The following SLC24A2 variants were observed in gnomAD, a reference collection of about 807,000 sequenced individuals.
SLC24A2 encodes solute carrier family 24 member 2, also known as sodium/potassium/calcium exchanger 2.
Under a neutral mutation model 62.0 loss-of-function variants are expected in SLC24A2, and 36 were observed. The ratio of observed to expected loss-of-function variants is 0.58; its 90% CI spans 0.44 to 0.77. SLC24A2 has a LOEUF of 0.77. Ranked by LOEUF, SLC24A2 falls within the 30% of genes least tolerant of loss-of-function variation. The pLI is 0.00. For missense variants in SLC24A2, 846 were observed against 817.9 expected, an observed-to-expected ratio of 1.03 and a Z score of -0.42; for synonymous variants, 358 against 294.0, an observed-to-expected ratio of 1.22 and a Z score of -2.23.
the SLC24A2 span, among the ~76,000 whole-genome samples, chr9:20,114,933 T>C: frequency 6.6e-6 from 1 of 152,130 alleles, no homozygotes; most frequent in Non-Finnish European, 1.5e-5. Context: ...CATACAAATT[T>C]ATTAAAATGC....
chr9:20,027,161 A>G, the SLC24A2 span, among the ~76,000 whole-genome samples: 5 of 152,044 alleles, frequency 3.3e-5, no homozygotes, highest in Non-Finnish European at 7.4e-5. Flanking sequence ...AAAAGGACAA[A>G]GATAGCATGG....
chr9:20,089,637 T>C, the SLC24A2 span, among the ~76,000 whole-genome samples: 1 of 151,856 alleles, frequency 6.6e-6, no homozygotes, highest in African/African-American at 2.4e-5. Flanking sequence ...ACTAGTAGTG[T>C]CCCAGAGTTT....
chr9:19,546,124 A>AT (rs1376258457), intron 8 of SLC24A2, among the ~76,000 whole-genome samples: 1 of 152,158 alleles, frequency 6.6e-6, no homozygotes, highest in Non-Finnish European at 1.5e-5. Context: ...GCTCTCCTGT[A>AT]TGAGGTAGGT....
chr9:19,572,259 CAAAAAAAAAAAA>C (rs34529143), intron 7 of SLC24A2, among the ~76,000 whole-genome samples: 1 of 69,784 alleles, frequency 1.4e-5, no homozygotes. Context: ...GAGTCCGTCT[CAAAAAAAAAAAA>C]AAAAAAAAAA....
the SLC24A2 span, among the ~76,000 whole-genome samples, chr9:20,276,172 T>A: frequency 6.6e-6 from 1 of 152,224 alleles, no homozygotes; most frequent in Non-Finnish European, 1.5e-5. Context: ...AAGTCTCATA[T>A]GAGACAAGCT....
At chr9:20,053,183 A>T in the SLC24A2 span, among the ~76,000 whole-genome samples, 1 of 151,980 alleles carries the variant, frequency 6.6e-6, no homozygotes, top group Non-Finnish European at 1.5e-5. Context: ...CTTGCTTCTA[A>T]GTTTTCCTTC....
In SLC24A2 at chr9:19,519,349, TTGTG is replaced by T. The variant is rs10640008; in HGVS notation, c.1736+1541_1736+1544del. On this transcript the variant is annotated intron_variant, in intron 10 of 10. Coordinates refer to ENST00000341998, the MANE Select transcript of SLC24A2 (RefSeq NM_020344.4). Reference sequence around the variant, plus strand: ...AGTGATTTTTTTTCTTTAAACTTCCTTGTGTGTGTGTGTGTGTGTGTGTGTGTAT... The same window carrying T: ...AGTGATTTTTTTTCTTTAAACTTCCTTGTGTGTGTGTGTGTGTGTGTGTAT... Among the ~76,000 whole-genome samples, 1,021 of 147,678 alleles carry T rather than the reference TTGTG, an allele frequency of 6.9e-3. 13 individuals carry two copies. The highest frequency in any genetic ancestry group is 0.024 in the African/African-American group (963 of 40,268).
the SLC24A2 span, among the ~76,000 whole-genome samples, chr9:20,045,893 A>G: frequency 6.6e-6 from 1 of 152,164 alleles, no homozygotes; most frequent in Non-Finnish European, 1.5e-5. Context: ...AGAGCCAGTG[A>G]GTGATGGGTT....
the SLC24A2 span, among the ~76,000 whole-genome samples, chr9:20,234,658 T>A: frequency 2.0e-5 from 3 of 152,206 alleles, no homozygotes; most frequent in Non-Finnish European, 4.4e-5. Context: ...TTAACTTCTT[T>A]GCCATTGGTT....
At chr9:20,046,015 G>A in the SLC24A2 span, among the ~76,000 whole-genome samples, 1 of 152,158 alleles carries the variant, frequency 6.6e-6, no homozygotes, top group African/African-American at 2.4e-5. Flanking sequence ...TCACCCCCAG[G>A]CTGGCCAGGC....
chr9:19,919,155 G>A, the SLC24A2 span, among the ~76,000 whole-genome samples: 8 of 152,184 alleles, frequency 5.3e-5, no homozygotes, highest in African/African-American at 9.6e-5. Flanking sequence ...AATGACTTCC[G>A]AGGAGAGTTA....
At chr9:20,061,076 T>A in the SLC24A2 span, among the ~76,000 whole-genome samples, 5,259 of 152,220 alleles carry the variant, frequency 0.035, 109 homozygotes, top group South Asian at 0.08. Flanking sequence ...GTTTATGGAT[T>A]ATAAAATTCA....
chr9:19,548,882 C>T (rs146268910), intron 8 of SLC24A2, among the ~76,000 whole-genome samples: 6 of 152,274 alleles, frequency 3.9e-5, no homozygotes, highest in South Asian at 2.1e-4. Flanking sequence ...GAGACTCTCA[C>T]GAGGAACATT....
At chr9:19,831,076 CT>C in the SLC24A2 span, among the ~76,000 whole-genome samples, 1 of 152,138 alleles carries the variant, frequency 6.6e-6, no homozygotes, top group Non-Finnish European at 1.5e-5. Context: ...ACCTTGAACC[CT>C]TTTATAAGGG....
chr9:20,241,801 G>A, the SLC24A2 span, among the ~76,000 whole-genome samples: 4 of 151,962 alleles, frequency 2.6e-5, no homozygotes, highest in South Asian at 2.1e-4. Flanking sequence ...TGATCAACCC[G>A]GAGTTAGCCA....
chr9:19,966,838 A>C, the SLC24A2 span, among the ~76,000 whole-genome samples: 1 of 152,214 alleles, frequency 6.6e-6, no homozygotes, highest in Admixed American at 6.5e-5. Context: ...CCTCTCAAGC[A>C]ATTGAATTAG....
chr9:20,145,452 C>T, the SLC24A2 span, among the ~76,000 whole-genome samples: 1 of 151,910 alleles, frequency 6.6e-6, no homozygotes, highest in East Asian at 1.9e-4. Flanking sequence ...TAGTAGTCAT[C>T]GATCTCAACA....
the SLC24A2 span, among the ~76,000 whole-genome samples, chr9:20,306,264 T>C: frequency 4.6e-5 from 7 of 152,116 alleles, no homozygotes; most frequent in African/African-American, 1.7e-4. Context: ...ATTTAGAAAA[T>C]AACCACGAAA....
the SLC24A2 span, among the ~76,000 whole-genome samples, chr9:19,858,901 G>A: frequency 6.6e-6 from 1 of 152,124 alleles, no homozygotes; most frequent in Admixed American, 6.5e-5. Flanking sequence ...CTGCTGGTAG[G>A]AATTAAAATT....
Sources: gnomAD v4.1 joint callset for allele counts (sites outside exome capture counted in the v4.1 genomes callset) on GRCh38, gnomAD v4.1.1 for gene constraint, MANE v1.5 for transcripts, NCBI Gene and HGNC (gene_info 2026-07-23, HGNC 2026-07-21) for gene names.